LUZP2: variants seen among roughly 807,000 people sequenced by gnomAD.
LUZP2 encodes leucine zipper protein 2.
A neutral mutation model predicts 51.6 loss-of-function variants in LUZP2; 52 were observed. That is an observed-to-expected ratio of 1.01 (90% CI 0.81 to 1.27). The LOEUF (loss-of-function observed/expected upper bound fraction) is 1.27, where lower values mean the gene tolerates loss of function less well. Among genes scored for constraint, LUZP2 ranks in the 50% most tolerant of loss-of-function variants. LUZP2 has a pLI of 0.00. For synonymous variants in LUZP2, 154 were observed against 137.3 expected (o/e 1.12, Z -0.85); for missense variants, 436 against 395.4 (o/e 1.10, Z -0.87).
chr11:24,621,453 C>T (rs1332724074), intron 1 of LUZP2, among the ~76,000 whole-genome samples: 1 of 152,074 alleles, frequency 6.6e-6, no homozygotes, highest in South Asian at 2.1e-4. Context: ...TGAGCAGGTC[C>T]TATTAATCTC....
chr11:24,918,684 A>G (rs1390532371), intron 7 of LUZP2, among the ~76,000 whole-genome samples: 1 of 151,554 alleles, frequency 6.6e-6, no homozygotes, highest in Non-Finnish European at 1.5e-5. Flanking sequence ...AAAAATTTCA[A>G]AAAAGTGTCA....
intron 9 of LUZP2, among the ~76,000 whole-genome samples, chr11:25,043,585 T>G (rs12416801): frequency 2.9e-5 from 2 of 68,702 alleles, no homozygotes; most frequent in East Asian, 2.0e-3. Context: ...GGATATATGA[T>G]ATATATATAT....
At chr11:25,016,918 A>G (rs1037811797) in intron 9 of LUZP2, among the ~76,000 whole-genome samples, 1 of 145,942 alleles carries the variant, frequency 6.9e-6, no homozygotes, top group African/African-American at 2.4e-5. Context: ...CCTTTTCATC[A>G]CTTCCTTGCC....
At chr11:24,902,597 T>A (rs1450123645) in intron 5 of LUZP2, among the ~76,000 whole-genome samples, 1 of 152,190 alleles carries the variant, frequency 6.6e-6, no homozygotes, top group East Asian at 1.9e-4. Context: ...GACAGACAGA[T>A]CCTGATCATT....
intron 9 of LUZP2, among the ~76,000 whole-genome samples, chr11:25,042,760 C>T (rs969280014): frequency 2.0e-5 from 3 of 152,122 alleles, no homozygotes; most frequent in Non-Finnish European, 4.4e-5. Context: ...TATCTGCCCC[C>T]ATTACCACCT....
intron 7 of LUZP2, among the ~76,000 whole-genome samples, chr11:24,960,373 C>G (rs561760278): frequency 1.3e-5 from 2 of 152,130 alleles, no homozygotes; most frequent in Non-Finnish European, 2.9e-5. Context: ...GTGAATCCAT[C>G]TGGTCCTGGA....
At chr11:24,931,209 C>CAAAATAAAATAAAAT (rs199869184) in intron 7 of LUZP2, among the ~76,000 whole-genome samples, 52 of 135,122 alleles carry the variant, frequency 3.8e-4, no homozygotes, top group East Asian at 3.0e-3. Context: ...GACTCTGTCT[C>CAAAATAAAATAAAAT]AAAATAAAAT....
chr11:24,762,635 A>G (rs780988196), intron 4 of LUZP2, among the ~76,000 whole-genome samples: 1 of 152,160 alleles, frequency 6.6e-6, no homozygotes, highest in Admixed American at 6.6e-5. Context: ...TATAAATTCT[A>G]TAAAAAGTCT....
intron 9 of LUZP2, among the ~76,000 whole-genome samples, chr11:25,001,489 T>C (rs955808817): frequency 6.6e-6 from 1 of 152,134 alleles, no homozygotes; most frequent in Non-Finnish European, 1.5e-5. Context: ...ACCTGCTGGG[T>C]TAAGGATTAT....
chr11:24,531,039 T>TTTTTTATTATTATTATTATTATTA (rs547008686), intron 1 of LUZP2, among the ~76,000 whole-genome samples: 1 of 144,838 alleles, frequency 6.9e-6, no homozygotes, highest in African/African-American at 2.6e-5. Context: ...TTTAGCCTCT[T>TTTTTTATTATTATTATTATTATTA]TTATTATTAT....
chr11:24,955,891 A>T (rs919833618), intron 7 of LUZP2, among the ~76,000 whole-genome samples: 35 of 152,056 alleles, frequency 2.3e-4, no homozygotes, highest in Admixed American at 5.9e-4. Context: ...GTCAAGAGGA[A>T]ATGGGTTAAA....
intron 9 of LUZP2, among the ~76,000 whole-genome samples, chr11:25,005,320 G>A (rs913498465): frequency 6.6e-6 from 1 of 152,176 alleles, no homozygotes; most frequent in East Asian, 1.9e-4. Flanking sequence ...TTGCATAGTT[G>A]TGGATTCACC....
intron 5 of LUZP2, among the ~76,000 whole-genome samples, chr11:24,769,918 A>G (rs115980720): frequency 0.079 from 11,969 of 151,662 alleles, 1,030 homozygotes; most frequent in African/African-American, 0.22. Context: ...CCAGCCTCCT[A>G]AGTAGCTAGG....
intron 1 of LUZP2, among the ~76,000 whole-genome samples, chr11:24,681,315 C>T (rs1175708758): frequency 1.3e-5 from 2 of 152,130 alleles, no homozygotes; most frequent in Non-Finnish European, 2.9e-5. Context: ...ATGTTTCTAA[C>T]GTTCTGTGAT....
intron 9 of LUZP2, among the ~76,000 whole-genome samples, chr11:25,015,064 T>A (rs185699311): frequency 6.6e-6 from 1 of 152,204 alleles, no homozygotes; most frequent in Non-Finnish European, 1.5e-5. Context: ...TAGTTGTAGA[T>A]ATGCATTGTA....
intron 1 of LUZP2, among the ~76,000 whole-genome samples, chr11:24,527,499 A>G (rs10500982): frequency 0.15 from 22,394 of 150,938 alleles, 2,484 homozygotes; most frequent in African/African-American, 0.3. Flanking sequence ...GCCATAGTAC[A>G]TTAATGCTAA....
chr11:24,892,839 G>T (rs1393783936), intron 5 of LUZP2: 1 of 152,146 alleles, frequency 6.6e-6, no homozygotes, highest in Non-Finnish European at 1.5e-5. Flanking sequence ...GAGATGACAG[G>T]TTAATGAGTA....
At chr11:24,527,567 T>A (rs10834363) in intron 1 of LUZP2, among the ~76,000 whole-genome samples, 19,502 of 131,258 alleles carry the variant, frequency 0.15, 1,845 homozygotes, top group African/African-American at 0.28. Context: ...TCTCTCTCTC[T>A]CACACACACA....
At chr11:24,830,766 G>A (rs954388559) in intron 5 of LUZP2, among the ~76,000 whole-genome samples, 16 of 151,956 alleles carry the variant, frequency 1.1e-4, no homozygotes, top group African/African-American at 3.4e-4. Flanking sequence ...AGGCCGAGGC[G>A]GGCGGATCAT....
Sources: allele counts gnomAD v4.1 joint callset (sites outside exome capture counted in the v4.1 genomes callset), GRCh38; gene constraint gnomAD v4.1.1; transcripts MANE v1.5; gene names NCBI Gene and HGNC (gene_info 2026-07-23, HGNC 2026-07-21).